Variants in MCCC1 observed in about 807,000 individuals in gnomAD.
The protein encoded by MCCC1 is methylcrotonoyl-CoA carboxylase subunit alpha, mitochondrial.
Under a neutral mutation model 83.8 loss-of-function variants are expected in MCCC1, and 64 were observed. That is an observed-to-expected ratio of 0.76 (90% CI 0.62 to 0.94). The LOEUF (loss-of-function observed/expected upper bound fraction) is 0.94. MCCC1 is among the 40% of genes least tolerant of loss of function. MCCC1 has a pLI of 0.00. For missense variants in MCCC1, 807 were observed against 904.7 expected (o/e 0.89, Z 1.39); for synonymous variants, 322 against 315.4 (o/e 1.02, Z -0.22).
chr3:183,046,915 T>C (rs1424104597), intron 9 of MCCC1, among the ~76,000 whole-genome samples: 1 of 152,156 alleles, frequency 6.6e-6, no homozygotes, highest in African/African-American at 2.4e-5. Context: ...GCCTGAGCTG[T>C]AATTGACAAA....
At chr3:183,036,586 C>T (rs894293701) in intron 13 of MCCC1, among the ~76,000 whole-genome samples, 4 of 140,872 alleles carry the variant, frequency 2.8e-5, no homozygotes, top group Non-Finnish European at 6.1e-5. Flanking sequence ...GTTGTCCAGG[C>T]TGGAGTGCAG....
intron 1 of MCCC1, among the ~76,000 whole-genome samples, chr3:183,107,773 C>T (rs1200965945): frequency 1.3e-5 from 2 of 151,990 alleles, no homozygotes; most frequent in Non-Finnish European, 2.9e-5. Flanking sequence ...TGGTCTCAAA[C>T]TCCTGACCTC....
At chr3:183,030,692 C>A (rs1577253500) in intron 14 of MCCC1, among the ~76,000 whole-genome samples, 1 of 152,182 alleles carries the variant, frequency 6.6e-6, no homozygotes, top group East Asian at 1.9e-4. Flanking sequence ...GACCATCATG[C>A]TCTCCAGCTT....
intron 1 of MCCC1, 163 bp downstream of exon 1, chr3:183,099,189 C>T: frequency 1.3e-6 from 1 of 747,198 alleles, no homozygotes; most frequent in Non-Finnish European, 2.2e-6. Context: ...TGTCTTCCTC[C>T]CGACGCCGTG....
intron 4 of MCCC1, among the ~76,000 whole-genome samples, chr3:183,079,190 G>A (rs2108540263): frequency 6.6e-6 from 1 of 152,250 alleles, no homozygotes; most frequent in South Asian, 2.1e-4. Context: ...CTTCCCAACA[G>A]TCCCTCAAAG....
At position 183,099,368 on chromosome 3, in the gene MCCC1, G is replaced by A; in HGVS notation, c.73C>T (p.Leu25=). The stretch of plus-strand genomic sequence containing the variant: ...TCCACCCACCTCGGCGGCAGGAGCA[G>A]GCTCGGGAGACGATGCCACCGGTTC... ...ERNRWHRLPS[L]LLPPRTWVWR... is the part of the protein sequence containing the mutation. Residue 25 remains leucine (L), a synonymous_variant, in exon 1 of 19, where the codon CTG becomes TTG. Transcript: ENST00000265594. 6.2e-7 allele frequency: 1 copy of A among 1,601,628 alleles called. No individual in the cohort carries two copies. Among genetic ancestry groups the A allele is most frequent in the East Asian group, 2.3e-5 (1 of 44,292 alleles).
chr3:183,097,222 G>A (rs1718804024), intron 1 of MCCC1, among the ~76,000 whole-genome samples: 1 of 152,044 alleles, frequency 6.6e-6, no homozygotes, highest in Non-Finnish European at 1.5e-5. Context: ...AGTCCGGCCT[G>A]GGCGACAGAG....
In MCCC1 at chr3:183,093,621, T is replaced by C. The variant is rs565373450; in HGVS notation, c.136+938A>G. 1.6e-4 allele frequency among the ~76,000 whole-genome samples: 24 copies of C among 152,194 alleles called. No individual in the cohort carries two copies. The East Asian group carries it at 2.1e-3, about 14-fold the overall frequency. On this transcript the variant is annotated intron_variant, in intron 2 of 18. Coordinates refer to ENST00000265594, the MANE Select transcript of MCCC1 (RefSeq NM_020166.5). Reference sequence around the variant, plus strand: ...GTTCATAATAAAGTTATTTCTTCAATAGAATCCATAGGCTCAACATAATAA... The same window carrying C: ...GTTCATAATAAAGTTATTTCTTCAACAGAATCCATAGGCTCAACATAATAA...
At chr3:183,067,298 G>T (rs1333613407) in intron 7 of MCCC1, among the ~76,000 whole-genome samples, 1 of 152,166 alleles carries the variant, frequency 6.6e-6, no homozygotes, top group East Asian at 1.9e-4. Flanking sequence ...CCAACTCATA[G>T]GTATTTGAGG....
At chr3:183,106,644 G>A (rs13065749) in intron 1 of MCCC1, among the ~76,000 whole-genome samples, 57,147 of 151,714 alleles carry the variant, frequency 0.38, 13,717 homozygotes, top group Non-Finnish European at 0.54. Context: ...GATTGCAGGC[G>A]CTCCACCATA....
chr3:183,113,471 G>T (rs970137252), intron 1 of MCCC1, among the ~76,000 whole-genome samples: 2 of 151,258 alleles, frequency 1.3e-5, no homozygotes, highest in Non-Finnish European at 2.9e-5. Context: ...TGTAAATGAC[G>T]AGTTAATGAG....
intron 4 of MCCC1, among the ~76,000 whole-genome samples, chr3:183,081,680 A>G (rs780716983): frequency 2.8e-4 from 42 of 152,230 alleles, no homozygotes; most frequent in Non-Finnish European, 5.0e-4. Context: ...ACAGGCACAT[A>G]CTGCACTTGT....
intron 10 of MCCC1, among the ~76,000 whole-genome samples, chr3:183,042,593 G>T (rs1413809004): frequency 6.6e-6 from 1 of 152,186 alleles, no homozygotes. Context: ...TCATTTTTCT[G>T]AATCTGTAAA....
intron 13 of MCCC1, among the ~76,000 whole-genome samples, chr3:183,035,608 C>A (rs1018136551): frequency 6.6e-6 from 1 of 150,470 alleles, no homozygotes; most frequent in Non-Finnish European, 1.5e-5. Flanking sequence ...ATGAGCATTT[C>A]CTTTGAGCAT....
intron 1 of MCCC1, among the ~76,000 whole-genome samples, chr3:183,110,370 A>G (rs371903018): frequency 6.7e-6 from 1 of 150,218 alleles, no homozygotes. Context: ...GGACTTTTAT[A>G]ATTTTAGATC....
intron 4 of MCCC1, among the ~76,000 whole-genome samples, chr3:183,075,697 C>T (rs569279039): frequency 2.8e-4 from 43 of 152,172 alleles, no homozygotes; most frequent in Admixed American, 2.5e-3. Flanking sequence ...CCTGCCACCA[C>T]GCCCTGCTAA....
chr3:183,029,939 C>T (rs898066169), intron 14 of MCCC1, among the ~76,000 whole-genome samples: 3 of 152,132 alleles, frequency 2.0e-5, no homozygotes, highest in African/African-American at 7.2e-5. Flanking sequence ...GAGGCCCCAC[C>T]CTCTCAGTCT....
intron 1 of MCCC1, among the ~76,000 whole-genome samples, chr3:183,096,063 C>T (rs928583013): frequency 8.5e-5 from 13 of 152,116 alleles, no homozygotes; most frequent in South Asian, 4.1e-4. Flanking sequence ...GGGCTGGGTG[C>T]AGTGGCTCAC....
chr3:183,039,152 C>G lies in MCCC1; in HGVS notation c.1268-17G>C. On this transcript the variant is annotated splice_polypyrimidine_tract_variant and intron_variant, in intron 11 of 18. Transcript: ENST00000265594. Reference sequence around the variant, plus strand: ...CTTCGTCTCCTGAAATTGAAAACCACGGTAACCTCTTCAAGTCAAAACACG... The same window carrying G: ...CTTCGTCTCCTGAAATTGAAAACCAGGGTAACCTCTTCAAGTCAAAACACG... The G allele has an allele frequency of 6.2e-7, 1 of 1,609,224 alleles. No homozygotes were observed. Among genetic ancestry groups the G allele is most frequent in the South Asian group, 1.1e-5 (1 of 90,956 alleles).
Sources: allele counts gnomAD v4.1 joint callset (sites outside exome capture counted in the v4.1 genomes callset), GRCh38; gene constraint gnomAD v4.1.1; transcripts MANE v1.5; gene names NCBI Gene and HGNC (gene_info 2026-07-23, HGNC 2026-07-21).